Variants in DLG2 observed in about 807,000 individuals in gnomAD.
DLG2 encodes the protein disks large homolog 2.
DLG2 carries 45 observed loss-of-function variants against 132.5 expected under a neutral mutation model. The observed-to-expected ratio is 0.34, with a 90% CI of 0.27 to 0.44. The LOEUF (loss-of-function observed/expected upper bound fraction) is 0.44. DLG2 is among the 20% of genes least tolerant of loss of function. The pLI, the probability that DLG2 is intolerant of heterozygous loss-of-function variation, is 1.00. For missense variants in DLG2, 1,045 were observed against 1,196.9 expected (o/e 0.87, Z 1.87); for synonymous variants, 424 against 419.6 (o/e 1.01, Z -0.13).
chr11:83,940,209 A>G (rs1398319989), intron 14 of DLG2, among the ~76,000 whole-genome samples: 1 of 152,222 alleles, frequency 6.6e-6, no homozygotes, highest in Non-Finnish European at 1.5e-5. Context: ...ACCCCTAAAC[A>G]TTAGAAAGTC....
Position 84,691,205 on chromosome 11 carries a change from T to C in DLG2, c.358-156474A>G, listed in dbSNP as rs117667896. Among the ~76,000 whole-genome samples the C allele has an allele frequency of 6.0e-3, 908 of 151,990 alleles. 4 individuals carry two copies. Among genetic ancestry groups the C allele is most frequent in the Non-Finnish European group, 0.01 (684 of 67,836 alleles). ...ATTTTGAACTTCCATGCTTTTATAA[T>C]ACAACTTACTATCTTTAATTATTTT... On this transcript the variant is annotated intron_variant, in intron 6 of 27. Transcript: ENST00000376104.
At chr11:83,892,467 G>C (rs1414113024) in intron 15 of DLG2, among the ~76,000 whole-genome samples, 1 of 152,088 alleles carries the variant, frequency 6.6e-6, no homozygotes, top group Non-Finnish European at 1.5e-5. Context: ...TATAAGGAAA[G>C]TATCTAAACA....
chr11:85,412,760 C>CATATATATATATATATAT (rs200280952), intron 3 of DLG2, among the ~76,000 whole-genome samples: 2 of 113,274 alleles, frequency 1.8e-5, no homozygotes, highest in African/African-American at 7.4e-5. Flanking sequence ...CACACACACA[C>CATATATATATATATATAT]ATATATATAT....
intron 3 of DLG2, among the ~76,000 whole-genome samples, chr11:85,542,069 G>C (rs781283820): frequency 3.3e-5 from 5 of 152,226 alleles, no homozygotes; most frequent in Admixed American, 1.3e-4. Context: ...CTCCAGAATT[G>C]AGAAAACCCA....
intron 4 of DLG2, among the ~76,000 whole-genome samples, chr11:85,221,892 C>T (rs776863593): frequency 6.6e-6 from 1 of 152,044 alleles, no homozygotes; most frequent in Non-Finnish European, 1.5e-5. Flanking sequence ...CTGTGAAGTA[C>T]ATATTATATC....
chr11:84,218,284 A>G (rs183020562), intron 8 of DLG2, among the ~76,000 whole-genome samples: 19 of 140,396 alleles, frequency 1.4e-4, no homozygotes, highest in Admixed American at 2.8e-4. Flanking sequence ...AGGGAGAGAG[A>G]GAAAGAGAGA....
chr11:85,253,501 G>A (rs1217303585), intron 4 of DLG2, among the ~76,000 whole-genome samples: 1 of 152,108 alleles, frequency 6.6e-6, no homozygotes. Context: ...CAGGAGCCAG[G>A]GTGAGTGCTT....
chr11:84,333,081 T>C (rs1350402884), intron 7 of DLG2, among the ~76,000 whole-genome samples: 1 of 152,226 alleles, frequency 6.6e-6, no homozygotes, highest in African/African-American at 2.4e-5. Flanking sequence ...TGACTTTCCC[T>C]ATCCATTGCC....
intron 15 of DLG2, among the ~76,000 whole-genome samples, chr11:83,901,149 T>C (rs565427072): frequency 2.7e-4 from 41 of 152,346 alleles, no homozygotes; most frequent in African/African-American, 8.9e-4. Context: ...GTAGCCCCAT[T>C]GTATCTATGA....
At chr11:85,005,899 T>C (rs1007964785) in intron 6 of DLG2, among the ~76,000 whole-genome samples, 3 of 152,238 alleles carry the variant, frequency 2.0e-5, no homozygotes, top group Non-Finnish European at 4.4e-5. Context: ...ATACAATCCA[T>C]CAATACCTAG....
At chr11:85,528,398 G>A (rs59342061) in intron 3 of DLG2, among the ~76,000 whole-genome samples, 1 of 152,244 alleles carries the variant, frequency 6.6e-6, no homozygotes, top group African/African-American at 2.4e-5. Context: ...TCTGTTTACT[G>A]CATATGGCTA....
chr11:83,989,206 G>A (rs1306955148), intron 11 of DLG2, among the ~76,000 whole-genome samples: 1 of 152,114 alleles, frequency 6.6e-6, no homozygotes, highest in Non-Finnish European at 1.5e-5. Context: ...ATTGCCTCAG[G>A]TAAACTTTGA....
chr11:85,351,933 T>TAGGG (rs1288625803), intron 3 of DLG2, among the ~76,000 whole-genome samples: 8 of 152,298 alleles, frequency 5.3e-5, no homozygotes, highest in African/African-American at 1.7e-4. Flanking sequence ...TAAAATGAGT[T>TAGGG]AGGGAGGATT....
chr11:84,191,063 G>C (rs920761449), intron 8 of DLG2, among the ~76,000 whole-genome samples: 1 of 152,150 alleles, frequency 6.6e-6, no homozygotes, highest in Admixed American at 6.5e-5. Context: ...CATTTAAATT[G>C]CAGTTTGGTT....
chr11:84,656,329 GA>G (rs1289517863), intron 6 of DLG2, among the ~76,000 whole-genome samples: 1 of 152,078 alleles, frequency 6.6e-6, no homozygotes, highest in Non-Finnish European at 1.5e-5. Flanking sequence ...CGATTCACTT[GA>G]GCCATGGAAA....
At chr11:84,729,353 G>A (rs1315448332) in intron 6 of DLG2, among the ~76,000 whole-genome samples, 1 of 152,078 alleles carries the variant, frequency 6.6e-6, no homozygotes, top group Non-Finnish European at 1.5e-5. Flanking sequence ...AGTCATTAAG[G>A]AGCAGGTTTT....
At chr11:84,261,638 G>T (rs1323610351) in intron 7 of DLG2, among the ~76,000 whole-genome samples, 1 of 152,136 alleles carries the variant, frequency 6.6e-6, no homozygotes, top group African/African-American at 2.4e-5. Context: ...GTTCATGTGT[G>T]ATATTCATGT....
chr11:83,917,979 G>T (rs2077201824), intron 15 of DLG2, among the ~76,000 whole-genome samples: 1 of 152,172 alleles, frequency 6.6e-6, no homozygotes, highest in African/African-American at 2.4e-5. Flanking sequence ...ATGAAGGATT[G>T]TTTGCAAGTC....
intron 3 of DLG2, among the ~76,000 whole-genome samples, chr11:85,531,563 G>A (rs1382988359): frequency 6.6e-6 from 1 of 152,200 alleles, no homozygotes; most frequent in African/African-American, 2.4e-5. Context: ...TACAGGAAAG[G>A]AGTTTTGAAA....
Sources: allele counts gnomAD v4.1 joint callset (sites outside exome capture counted in the v4.1 genomes callset), GRCh38; gene constraint gnomAD v4.1.1; transcripts MANE v1.5; gene names NCBI Gene and HGNC (gene_info 2026-07-23, HGNC 2026-07-21).